Variants in PAN3 observed in about 807,000 individuals in gnomAD.
PAN3 encodes the protein PAN2-PAN3 deadenylation complex subunit PAN3.
Under a neutral mutation model 96.2 loss-of-function variants are expected in PAN3, and 19 were observed. The ratio of observed to expected loss-of-function variants is 0.20; its 90% CI spans 0.14 to 0.29. The LOEUF is 0.29. PAN3 is among the 10% of genes least tolerant of loss of function. PAN3 has a pLI of 1.00. For missense variants in PAN3, 882 were observed against 1,108.1 expected, an observed-to-expected ratio of 0.80 and a Z score of 2.90; for synonymous variants, 433 against 406.6, an observed-to-expected ratio of 1.06 and a Z score of -0.78.
intron 1 of PAN3, among the ~76,000 whole-genome samples, chr13:28,160,644 TAAAG>T (rs1396370957): frequency 6.6e-6 from 1 of 152,204 alleles, no homozygotes; most frequent in African/African-American, 2.4e-5. Flanking sequence ...ATATATATCT[TAAAG>T]AACTGTTGGG....
chr13:28,249,408 A>G (rs1211016375), intron 6 of PAN3, among the ~76,000 whole-genome samples: 3 of 152,090 alleles, frequency 2.0e-5, no homozygotes, highest in Non-Finnish European at 4.4e-5. Context: ...TAAGTATGGA[A>G]TTGTTGAAGA....
At chr13:28,154,481 A>G (rs1199539884) in intron 1 of PAN3, among the ~76,000 whole-genome samples, 1 of 151,632 alleles carries the variant, frequency 6.6e-6, no homozygotes, top group Non-Finnish European at 1.5e-5. Flanking sequence ...TAGACCTTGC[A>G]GTTTGTATTT....
chr13:28,173,015 G>A (rs189093305), intron 1 of PAN3, among the ~76,000 whole-genome samples: 1 of 152,242 alleles, frequency 6.6e-6, no homozygotes, highest in African/African-American at 2.4e-5. Flanking sequence ...TAAAATGGGG[G>A]GACAGGGAGT....
chr13:28,234,821 A>C (rs4771232), intron 6 of PAN3, among the ~76,000 whole-genome samples: 136,053 of 152,082 alleles, frequency 0.89, 61,046 homozygotes, highest in East Asian at 1. Context: ...TATTTTTGTG[A>C]TCTTCATTTT....
At chr13:28,146,763 G>A (rs1222717098) in intron 1 of PAN3, among the ~76,000 whole-genome samples, 1 of 152,148 alleles carries the variant, frequency 6.6e-6, no homozygotes, top group African/African-American at 2.4e-5. Context: ...GGATCATGAG[G>A]TCAAGAGATA....
intron 17 of PAN3, among the ~76,000 whole-genome samples, chr13:28,282,703 C>A (rs759474138): frequency 2.0e-5 from 3 of 152,012 alleles, no homozygotes; most frequent in Non-Finnish European, 4.4e-5. Context: ...TTTTTTCCCT[C>A]CCACCTAGAG....
chr13:28,193,748 A>AC (rs1246949128), intron 4 of PAN3, among the ~76,000 whole-genome samples: 1 of 149,728 alleles, frequency 6.7e-6, no homozygotes, highest in Non-Finnish European at 1.5e-5. Flanking sequence ...AAAAAAAAAA[A>AC]AAAAAAAACC....
At chr13:28,281,866 G>T in intron 17 of PAN3, among the ~76,000 whole-genome samples, 1 of 150,798 alleles carries the variant, frequency 6.6e-6, no homozygotes, top group African/African-American at 2.4e-5. Context: ...TGCCTCCCAG[G>T]TTCAAGCGAT....
chr13:28,195,210 C>T (rs1281332106), intron 4 of PAN3, among the ~76,000 whole-genome samples: 1 of 152,014 alleles, frequency 6.6e-6, no homozygotes, highest in African/African-American at 2.4e-5. Flanking sequence ...CCAGACCAGC[C>T]TGGGTGACAT....
At chr13:28,153,221 T>G (rs1339345583) in intron 1 of PAN3, among the ~76,000 whole-genome samples, 1 of 150,958 alleles carries the variant, frequency 6.6e-6, no homozygotes, top group East Asian at 1.9e-4. Flanking sequence ...TACAAAACTA[T>G]GTATAATACG....
At chr13:28,215,238 A>T (rs1880584253) in intron 5 of PAN3, 3 of 713,344 alleles carry the variant, frequency 4.2e-6, no homozygotes, top group Non-Finnish European at 7.9e-6. Context: ...AGCTTGTCCA[A>T]CTGACAAGTC....
rs191673801 is a variant in PAN3, at chr13:28,196,788, T to C, written c.691-397T>C. The stretch of plus-strand genomic sequence containing the variant: ...TGGCGAACTTTATAAAAAAGAAAAA[T>C]CTGTATTCTGTGTCCTTGAAACCAT... On this transcript the variant is annotated intron_variant, in intron 4 of 18. Transcript: ENST00000380958. Among the ~76,000 whole-genome samples the C allele has an allele frequency of 4.0e-3, 612 of 152,256 alleles. 7 individuals are homozygous for C. Among genetic ancestry groups the C allele is most frequent in the African/African-American group, 0.014 (584 of 41,550 alleles).
At chr13:28,167,414 G>A (rs1873724079) in intron 1 of PAN3, among the ~76,000 whole-genome samples, 1 of 151,932 alleles carries the variant, frequency 6.6e-6, no homozygotes, top group Non-Finnish European at 1.5e-5. Flanking sequence ...GCCCACGTCG[G>A]CCTCCTAAAG....
chr13:28,276,959 C>G (rs1887112527), intron 14 of PAN3, among the ~76,000 whole-genome samples: 1 of 152,134 alleles, frequency 6.6e-6, no homozygotes, highest in African/African-American at 2.4e-5. Context: ...CTTAAAGTCT[C>G]TTAAGGCGTG....
At chr13:28,261,252 T>C in intron 8 of PAN3, 149 bp from the exon 9 acceptor site, 1 of 445,982 alleles carries the variant, frequency 2.2e-6, no homozygotes, top group South Asian at 3.4e-5. Context: ...CATTTTACCA[T>C]GTTTAGAAAT....
chr13:28,289,158 AT>A (rs966406971), intron 18 of PAN3, among the ~76,000 whole-genome samples: 3 of 152,244 alleles, frequency 2.0e-5, no homozygotes, highest in Non-Finnish European at 4.4e-5. Context: ...GTAGTAAATA[AT>A]AAAAGCACAA....
intron 18 of PAN3, among the ~76,000 whole-genome samples, chr13:28,290,088 C>T (rs1324467338): frequency 1.3e-5 from 2 of 152,118 alleles, no homozygotes; most frequent in Admixed American, 6.5e-5. Context: ...TTTTTTAAAG[C>T]GTGAGAGCCT....
chr13:28,237,051 A>G (rs1883182229), intron 6 of PAN3, among the ~76,000 whole-genome samples: 1 of 152,060 alleles, frequency 6.6e-6, no homozygotes. Context: ...TGCTTTTGTT[A>G]TGTGGAGTTT....
At position 28,197,305 on chromosome 13, in the gene PAN3, A is replaced by G. The variant is rs1353841883; in HGVS notation, c.811A>G (p.Asn271Asp). 4 of 1,611,078 alleles carry G rather than the reference A, an allele frequency of 2.5e-6. No homozygotes were observed. Among genetic ancestry groups the G allele is most frequent in the Non-Finnish European group, 3.4e-6 (4 of 1,178,540 alleles). Residue 271 changes from asparagine (N) to aspartate (D), a missense_variant, in exon 5 of 19, where the codon AAT (asparagine) becomes GAT (aspartate). Transcript: ENST00000380958. ...ADRCKSGVPI[N>D]MVWWNRVTEN... Reference sequence around the variant, plus strand: ...CAGGTGTAAATCAGGAGTACCCATCAATATGGTTTGGTGGAACAGAGTCAC... The same window carrying G: ...CAGGTGTAAATCAGGAGTACCCATCGATATGGTTTGGTGGAACAGAGTCAC...
Sources: gnomAD v4.1 joint callset for allele counts (sites outside exome capture counted in the v4.1 genomes callset) on GRCh38, gnomAD v4.1.1 for gene constraint, MANE v1.5 for transcripts, NCBI Gene and HGNC (gene_info 2026-07-23, HGNC 2026-07-21) for gene names.